The following ZNF525 variants were observed in gnomAD, a reference collection of about 807,000 sequenced individuals.
The protein encoded by ZNF525 is zinc finger protein 525.
ZNF525 carries 33 observed loss-of-function variants against 37.6 expected under a neutral mutation model. That is an observed-to-expected ratio of 0.88 (90% CI 0.67 to 1.17). ZNF525 has a LOEUF of 1.17. Ranked by LOEUF, ZNF525 falls within the 50% of genes most tolerant of loss-of-function variation. ZNF525 has a pLI of 0.00. For missense variants in ZNF525, 449 were observed against 543.1 expected, an observed-to-expected ratio of 0.83 and a Z score of 1.72; for synonymous variants, 170 against 182.3, an observed-to-expected ratio of 0.93 and a Z score of 0.54.
Position 53,384,156 on chromosome 19 carries a change from A to G in ZNF525, c.*2137A>G, listed in dbSNP as rs2085588684. On this transcript the variant is annotated 3_prime_UTR_variant, in exon 4 of 4. Transcript: ENST00000474037. ...TTGAGTTTGAGTTGACTTAACATTG[A>G]GTTCAAGCCTTAATTGACATTAAAG... The G allele has an allele frequency of 2.5e-6, 1 of 402,360 alleles. No individual in the cohort carries two copies. The highest frequency in any genetic ancestry group is 3.4e-5 in the Admixed American group (1 of 29,018). The allele number at this position is 402,360 out of a possible 1,614,324, so 24.9% of individuals were successfully genotyped here.
Position 53,372,211 on chromosome 19 carries a change from T to C in ZNF525, c.-67-4T>C. On this transcript the variant is annotated splice_polypyrimidine_tract_variant and splice_region_variant and intron_variant, in intron 1 of 3. Transcript: ENST00000474037. ...GCAATAAACAACATATTTTTATCACTCAGGATTGACATCTAAAGACTCTTG... is the reference window on the plus strand; with the variant it reads ...GCAATAAACAACATATTTTTATCACCCAGGATTGACATCTAAAGACTCTTG... 1.4e-6 allele frequency: 1 copy of C among 691,880 alleles called. No homozygotes were observed. Among genetic ancestry groups the C allele is most frequent in the East Asian group, 2.4e-5 (1 of 40,878 alleles). 42.9% of individuals were successfully genotyped at this position (691,880 alleles called of 1,614,324 possible).
chr19:53,366,881 G>C (rs150793448), intron 1 of ZNF525, among the ~76,000 whole-genome samples: 2,472 of 152,036 alleles, frequency 0.016, 21 homozygotes, highest in Non-Finnish European at 0.025. Flanking sequence ...GAGGACTAGA[G>C]AGACTGATAT....
chr19:53,367,240 G>A (rs2085454619), intron 1 of ZNF525, among the ~76,000 whole-genome samples: 1 of 152,040 alleles, frequency 6.6e-6, no homozygotes, highest in Non-Finnish European at 1.5e-5. Flanking sequence ...AAGTGAGCTT[G>A]CTAGGCAGAG....
rs1262469009 is a variant in ZNF525 at position 53,383,209 on chromosome 19, GAC to G, written c.*1192_*1193del. Reference sequence around the variant, plus strand: ...ACAATTCAGTCCTTGTAATTCATAAGACAATTCACACTGGGGAGAAACCTTAC... The same window carrying G: ...ACAATTCAGTCCTTGTAATTCATAAGAATTCACACTGGGGAGAAACCTTAC... On this transcript the variant is annotated 3_prime_UTR_variant, in exon 4 of 4. Transcript: ENST00000474037. The G allele has an allele frequency of 3.6e-6, 5 of 1,406,532 alleles. No individual in the cohort carries two copies. The highest frequency in any genetic ancestry group is 1.4e-5 in the African/African-American group (1 of 69,980). The allele number at this position is 1,406,532 out of a possible 1,614,324, so 87.1% of individuals were successfully genotyped here.
At position 53,382,560 on chromosome 19, in the gene ZNF525, C is replaced by A; in HGVS notation, c.*541C>A. 3 of 661,694 alleles carry A rather than the reference C, an allele frequency of 4.5e-6. No homozygotes were observed. The highest frequency in any genetic ancestry group is 8.5e-6 in the Non-Finnish European group (3 of 353,872). 41.0% of individuals were successfully genotyped at this position (661,694 alleles called of 1,614,324 possible). ...CATAGACGTCATACTGGAGAGAAAC[C>A]TTAGAAGTGCAATGAGTGTGGCAAA... On this transcript the variant is annotated 3_prime_UTR_variant, in exon 4 of 4. Coordinates refer to ENST00000474037, the MANE Select transcript of ZNF525 (RefSeq NM_001348156.2).
chr19:53,376,213 G>A (rs1228979762), intron 3 of ZNF525: 4 of 722,770 alleles, frequency 5.5e-6, no homozygotes, highest in Admixed American at 2.0e-5. Flanking sequence ...CAAGAAGCTG[G>A]GATTACAGGC....
chr19:53,369,932 G>C (rs1194179838), intron 1 of ZNF525, among the ~76,000 whole-genome samples: 1 of 146,632 alleles, frequency 6.8e-6, no homozygotes, highest in Non-Finnish European at 1.5e-5. Context: ...CACCGTGTTA[G>C]CCAGGATGGT....
At chr19:53,368,776 A>T (rs1446147510) in intron 1 of ZNF525, among the ~76,000 whole-genome samples, 1 of 152,104 alleles carries the variant, frequency 6.6e-6, no homozygotes, top group Non-Finnish European at 1.5e-5. Flanking sequence ...GTGTGTGTGG[A>T]GACATGAATG....
chr19:53,369,715 C>CTTTTT lies in ZNF525; in HGVS notation c.-67-2475_-67-2471dup, dbSNP rs57431960. Among the ~76,000 whole-genome samples, 25 of 81,198 alleles carry CTTTTT rather than the reference C, an allele frequency of 3.1e-4. 2 individuals are homozygous for CTTTTT. Among genetic ancestry groups the CTTTTT allele is most frequent in the Non-Finnish European group, 4.4e-4 (20 of 45,078 alleles). The allele number at this position is 81,198 out of a possible 152,430, so 53.3% of individuals were successfully genotyped here. A position where few individuals can be genotyped will look rare whatever the true frequency, so the allele number is the denominator to read the frequency against. On this transcript the variant is annotated intron_variant, in intron 1 of 3. Transcript: ENST00000474037. ...CAACAGAACCTTGCAAAAGAAGTTT[C>CTTTTT]TTTTTTTTTTTTTTTTTTTTTTTTT...
At chr19:53,376,367 A>T (rs1369174499) in intron 3 of ZNF525, 4 of 696,184 alleles carry the variant, frequency 5.7e-6, no homozygotes, top group Non-Finnish European at 1.0e-5. Flanking sequence ...GTGCAGAGTT[A>T]AATATTTGCA....
chr19:53,381,826 G>C lies in ZNF525; in HGVS notation c.1247G>C (p.Cys416Ser). 9.4e-7 allele frequency: 1 copy of C among 1,059,858 alleles called. No homozygotes were observed. The highest frequency in any genetic ancestry group is 1.5e-6 in the Non-Finnish European group (1 of 673,320). The allele number at this position is 1,059,858 out of a possible 1,614,324, so 65.7% of individuals were successfully genotyped here. Residue 416 changes from cysteine (C) to serine (S), a missense_variant, in exon 4 of 4, where the codon TGT becomes TCT. By Grantham distance (112) the Cys-to-Ser change is moderately radical. Around this residue, in one of 2 missense-constraint regions of ZNF525, gnomAD observed 178 missense variants for 161.5 expected, o/e 1.10. Coordinates refer to ENST00000474037, the MANE Select transcript of ZNF525 (RefSeq NM_001348156.2). Reference sequence around the variant, plus strand: ...GAGAAACCTTACAAGTGTGAAGAATGTGATGAAGCTTTCCGTTTCAAATCA... The same window carrying C: ...GAGAAACCTTACAAGTGTGAAGAATCTGATGAAGCTTTCCGTTTCAAATCA... ...TGEKPYKCEE[C>S]DEAFRFKSSL...
intron 1 of ZNF525, among the ~76,000 whole-genome samples, chr19:53,370,832 C>T (rs939216283): frequency 2.0e-5 from 3 of 152,220 alleles, no homozygotes; most frequent in Admixed American, 6.5e-5. Flanking sequence ...AACCCTCCAC[C>T]GGCTTCCCGT....
At chr19:53,377,987 A>G (rs1455469951) in intron 3 of ZNF525, among the ~76,000 whole-genome samples, 1 of 152,172 alleles carries the variant, frequency 6.6e-6, no homozygotes, top group African/African-American at 2.4e-5. Context: ...GAATCATGAG[A>G]TGCTTCTTTT....
In ZNF525 at chr19:53,386,373, C is replaced by A. The variant is rs529506301; in HGVS notation, c.*4354C>A. The A allele has an allele frequency of 3.4e-6, 3 of 871,404 alleles. No homozygotes were observed. The highest frequency in any genetic ancestry group is 1.3e-5 in the South Asian group (1 of 76,956). The allele number at this position is 871,404 out of a possible 1,614,324, so 54.0% of individuals were successfully genotyped here. A position where few individuals can be genotyped will look rare whatever the true frequency, so the allele number is the denominator to read the frequency against. ...CCAAAAGGAGACATTGGAGAAGAAC[C>A]AAGCTGGGTCTATAAGGAATTGCAT... On this transcript the variant is annotated 3_prime_UTR_variant, in exon 4 of 4. Coordinates refer to ENST00000474037, the MANE Select transcript of ZNF525 (RefSeq NM_001348156.2).
chr19:53,376,511 A>T (rs2085523510), intron 3 of ZNF525: 6 of 580,158 alleles, frequency 1.0e-5, no homozygotes, highest in Non-Finnish European at 1.8e-5. Flanking sequence ...TTCATTCTCC[A>T]TTTCCTGCTT....
intron 3 of ZNF525, chr19:53,379,508 T>C (rs976730848): frequency 2.0e-5 from 3 of 152,234 alleles, no homozygotes; most frequent in African/African-American, 7.2e-5. Flanking sequence ...AGTTCTTATA[T>C]TGTGTGCTGG....
chr19:53,373,832 A>T (rs1019305113), intron 2 of ZNF525, among the ~76,000 whole-genome samples: 7 of 151,866 alleles, frequency 4.6e-5, no homozygotes, highest in African/African-American at 1.7e-4. Flanking sequence ...AAAAAAAAAA[A>T]ATAGTTTTTA....
Position 53,381,984 on chromosome 19 carries a change from T to G in ZNF525, c.1405T>G (p.Cys469Gly), listed in dbSNP as rs779313964. 1.4e-5 allele frequency: 15 copies of G among 1,094,500 alleles called. No individual in the cohort carries two copies. The highest frequency in any genetic ancestry group is 2.0e-5 in the Non-Finnish European group (14 of 712,728). The allele number at this position is 1,094,500 out of a possible 1,614,324, so 67.8% of individuals were successfully genotyped here. Reference sequence around the variant, plus strand: ...TCATAGTGGAGAGAAACCTTGCAAGTGTGGAGAATGTGACAAGGCTTACAG... The same window carrying G: ...TCATAGTGGAGAGAAACCTTGCAAGGGTGGAGAATGTGACAAGGCTTACAG... The part of the protein sequence containing the change: ...RLHSGEKPCK[C>G]GECDKAYSFK The change falls in exon 4 of 4, where the codon TGT becomes GGT. Residue 469 changes from cysteine to glycine, a missense_variant. Around this residue, in one of 2 missense-constraint regions of ZNF525, gnomAD observed 178 missense variants for 161.5 expected, o/e 1.10. Coordinates refer to ENST00000474037, the MANE Select transcript of ZNF525 (RefSeq NM_001348156.2).
chr19:53,385,654 T>C lies in ZNF525; in HGVS notation c.*3635T>C, dbSNP rs1245491968. 6.5e-6 allele frequency: 1 copy of C among 154,612 alleles called. No individual in the cohort carries two copies. Among genetic ancestry groups the C allele is most frequent in the East Asian group, 1.9e-4 (1 of 5,254 alleles). The allele number at this position is 154,612 out of a possible 1,614,324, so 9.6% of individuals were successfully genotyped here. A position where few individuals can be genotyped will look rare whatever the true frequency, so the allele number is the denominator to read the frequency against. On this transcript the variant is annotated 3_prime_UTR_variant, in exon 4 of 4. Transcript: ENST00000474037. ...GTGAGCTATGATCATGCCACTGCAC[T>C]CCAGCATGGGTGATGGAGAGAGATA...
Sources: allele counts gnomAD v4.1 joint callset (sites outside exome capture counted in the v4.1 genomes callset), GRCh38; gene constraint gnomAD v4.1.1; regional missense constraint gnomAD v4.1.1; transcripts MANE v1.5; gene names NCBI Gene and HGNC (gene_info 2026-07-23, HGNC 2026-07-21).